PRUNE2: variants seen among roughly 807,000 people sequenced by gnomAD.
The protein encoded by PRUNE2 is protein prune homolog 2.
In PRUNE2, 164 loss-of-function variants were observed where a neutral mutation model predicts 252.0. The ratio of observed to expected loss-of-function variants is 0.65; its 90% confidence interval spans 0.57 to 0.74. The LOEUF is 0.74. Ranked by LOEUF, PRUNE2 falls within the 30% of genes least tolerant of loss-of-function variation. PRUNE2 has a pLI of 0.00. For synonymous variants in PRUNE2, 1,292 were observed against 1,350.2 expected (o/e 0.96, Z 0.94); for missense variants, 3,495 against 3,711.0 (o/e 0.94, Z 1.51).
chr9:76,614,632 G>A, intron 18 of PRUNE2, 32 bp from the exon 19 acceptor site: 3 of 1,578,790 alleles, frequency 1.9e-6, no homozygotes, highest in South Asian at 2.2e-5. Context: ...AGAGAAACAT[G>A]AGAAACCAAA....
intron 9 of PRUNE2, among the ~76,000 whole-genome samples, chr9:76,701,158 C>T (rs1035506748): frequency 6.6e-5 from 10 of 152,078 alleles, no homozygotes; most frequent in Non-Finnish European, 1.2e-4. Context: ...GAGTCGGAGC[C>T]GATAATTTGC....
rs537835320 is a variant in PRUNE2, at chr9:76,666,590, C to T, written c.8277-11088G>A. ...GGAAGGGCCCCCTGTCCAGTGGACACGTGACTCATGTGACCTTGTCAATCA... is the reference window on the plus strand; with the variant it reads ...GGAAGGGCCCCCTGTCCAGTGGACATGTGACTCATGTGACCTTGTCAATCA... On this transcript the variant is annotated intron_variant, in intron 9 of 18. Transcript: ENST00000376718. 2.6e-5 allele frequency among the ~76,000 whole-genome samples: 4 copies of T among 152,334 alleles called. No individual in the cohort carries two copies. The South Asian group carries it at 6.2e-4, about 24-fold the overall frequency.
intron 6 of PRUNE2, among the ~76,000 whole-genome samples, chr9:76,715,866 T>C (rs1370698649): frequency 6.6e-6 from 1 of 152,052 alleles, no homozygotes; most frequent in East Asian, 1.9e-4. Flanking sequence ...CTATGAACTG[T>C]AAAAAAAGAT....
chr9:76,741,385 C>T (rs1301460723), intron 6 of PRUNE2, among the ~76,000 whole-genome samples: 1 of 152,104 alleles, frequency 6.6e-6, no homozygotes, highest in Non-Finnish European at 1.5e-5. Flanking sequence ...AAACAGAATA[C>T]AGAGCCCAGA....
At chr9:76,762,284 A>G (rs2051806061) in intron 6 of PRUNE2, among the ~76,000 whole-genome samples, 1 of 152,204 alleles carries the variant, frequency 6.6e-6, no homozygotes, top group Non-Finnish European at 1.5e-5. Context: ...TTTAATGACA[A>G]TACTCTCTGT....
At chr9:76,681,737 T>C (rs1192634745) in intron 9 of PRUNE2, among the ~76,000 whole-genome samples, 1 of 152,200 alleles carries the variant, frequency 6.6e-6, no homozygotes, top group Admixed American at 6.5e-5. Context: ...CACAAGGAGC[T>C]ATATCCTATC....
Position 76,806,659 on chromosome 9 carries a change from C to G in PRUNE2, c.756+16973G>C, listed in dbSNP as rs946666237. Among the ~76,000 whole-genome samples, 5 of 150,236 alleles carry G rather than the reference C, an allele frequency of 3.3e-5. 1 individual carries two copies. The highest frequency in any genetic ancestry group is 1.2e-4 in the African/African-American group (5 of 40,806). Reference sequence around the variant, plus strand: ...AGTAGCTGGGACTACAGGTGCCCACCAACACGCCCGGCTAATTTTTTTTTT... The same window carrying G: ...AGTAGCTGGGACTACAGGTGCCCACGAACACGCCCGGCTAATTTTTTTTTT... On this transcript the variant is annotated intron_variant, in intron 6 of 18. Coordinates refer to ENST00000376718, the MANE Select transcript of PRUNE2 (RefSeq NM_015225.3).
At chr9:76,633,282 A>G (rs997313883) in intron 15 of PRUNE2, among the ~76,000 whole-genome samples, 1 of 151,760 alleles carries the variant, frequency 6.6e-6, no homozygotes, top group Non-Finnish European at 1.5e-5. Flanking sequence ...GGTTTTCATA[A>G]ATAAAGTTTC....
Position 76,752,090 on chromosome 9 carries a change from T to TTTG in PRUNE2, c.757-38370_757-38369insCAA, listed in dbSNP as rs1554746661. On this transcript the variant is annotated intron_variant, in intron 6 of 18. Coordinates refer to ENST00000376718, the MANE Select transcript of PRUNE2 (RefSeq NM_015225.3). ...CAACGACTGACTCAATTCCTGTTTTTTTTTTGGTTTTTTTTTTTTTTTTTT... is the reference window on the plus strand; with the variant it reads ...CAACGACTGACTCAATTCCTGTTTTTTTGTTTTTGGTTTTTTTTTTTTTTTTTT... Among the ~76,000 whole-genome samples the TTTG allele has an allele frequency of 9.0e-3, 739 of 82,138 alleles. 15 individuals are homozygous for TTTG. In the East Asian group the frequency reaches 0.091, roughly 10 times the overall value. 53.9% of individuals were successfully genotyped at this position (82,138 alleles called of 152,430 possible).
intron 12 of PRUNE2, chr9:76,642,001 TAAAAAA>T: frequency 5.9e-6 from 6 of 1,010,430 alleles, no homozygotes; most frequent in African/African-American, 2.0e-5. Context: ...ATAAGAGAAG[TAAAAAA>T]AAAAAAAAAA....
In PRUNE2 at chr9:76,618,437, A is replaced by C. The variant is rs192495324; in HGVS notation, c.9236+903T>G. Among the ~76,000 whole-genome samples the C allele has an allele frequency of 3.1e-3, 477 of 152,334 alleles. 1 individual carries two copies. The highest frequency in any genetic ancestry group is 0.011 in the African/African-American group (459 of 41,574). On this transcript the variant is annotated intron_variant, in intron 18 of 18. Transcript: ENST00000376718. ...ATTGCTAGGAACAAGGGCAATGTTAAATTCTCCACAACTCAAACCAAATTG... is the reference window on the plus strand; with the variant it reads ...ATTGCTAGGAACAAGGGCAATGTTACATTCTCCACAACTCAAACCAAATTG...
intron 18 of PRUNE2, among the ~76,000 whole-genome samples, 166 bp from the exon 19 acceptor site, chr9:76,614,766 C>G (rs558479263): frequency 6.6e-6 from 1 of 152,320 alleles, no homozygotes; most frequent in African/African-American, 2.4e-5. Context: ...CCCAATCCTC[C>G]TCTTGTCAGG....
chr9:76,669,280 C>A (rs2040834185), intron 9 of PRUNE2, among the ~76,000 whole-genome samples: 1 of 151,712 alleles, frequency 6.6e-6, no homozygotes, highest in Non-Finnish European at 1.5e-5. Context: ...AGTACAAGGT[C>A]ACACCACCAC....
chr9:76,903,338 A>C (rs2063290928), intron 1 of PRUNE2, among the ~76,000 whole-genome samples: 1 of 152,136 alleles, frequency 6.6e-6, no homozygotes. Context: ...AAATATATAT[A>C]ATGCCCACAG....
Position 76,614,361 on chromosome 9 carries a change from G to T in PRUNE2, c.*209C>A. ...GCTAAGGCTCAACTAAAATCTTTGA[G>T]GCACATAATTGGCAAAATAGGAAAG... On this transcript the variant is annotated 3_prime_UTR_variant, in exon 19 of 19. Coordinates refer to ENST00000376718, the MANE Select transcript of PRUNE2 (RefSeq NM_015225.3). 1.7e-6 allele frequency: 1 copy of T among 590,772 alleles called. No individual in the cohort carries two copies. Among genetic ancestry groups the T allele is most frequent in the South Asian group, 2.2e-5 (1 of 45,912 alleles). 36.6% of individuals were successfully genotyped at this position (590,772 alleles called of 1,614,324 possible). A position where few individuals can be genotyped will look rare whatever the true frequency, so the allele number is the denominator to read the frequency against.
intron 6 of PRUNE2, among the ~76,000 whole-genome samples, chr9:76,752,787 C>G (rs556004732): frequency 6.6e-6 from 1 of 152,100 alleles, no homozygotes; most frequent in African/African-American, 2.4e-5. Flanking sequence ...AGCAAGACTA[C>G]GTGCTTTAAA....
intron 1 of PRUNE2, among the ~76,000 whole-genome samples, chr9:76,857,673 A>C (rs978961625): frequency 3.3e-5 from 5 of 152,228 alleles, no homozygotes; most frequent in African/African-American, 1.2e-4. Context: ...ACGTGAGCTC[A>C]ATCTCTTCAA....
Position 76,711,120 on chromosome 9 carries a change from A to T in PRUNE2, c.1154T>A (p.Ile385Asn). ...SAPLSQGSSGIMELYGSDIEP... is the reference protein window; with the variant it reads ...SAPLSQGSSGNMELYGSDIEP... ...TATGTCAGAACCATACAATTCCATA[A>T]TCCCAGAAGACCCCTGGGAGAGGGG... is the stretch of plus-strand genomic sequence containing the variant. The change falls in exon 8 of 19, where the codon ATT becomes AAT. Residue 385 changes from isoleucine (I) to asparagine (N), a missense_variant. Transcript: ENST00000376718. 1 of 1,613,834 alleles carries T rather than the reference A, an allele frequency of 6.2e-7. No homozygotes were observed. The highest frequency in any genetic ancestry group is 1.1e-5 in the South Asian group (1 of 91,080).
chr9:76,870,610 C>A (rs1206569764), intron 1 of PRUNE2, among the ~76,000 whole-genome samples: 2 of 150,612 alleles, frequency 1.3e-5, no homozygotes, highest in African/African-American at 4.9e-5. Context: ...GGCGTGAACC[C>A]GGGAGGCGGA....
Sources: gnomAD v4.1 joint callset for allele counts (sites outside exome capture counted in the v4.1 genomes callset) on GRCh38, gnomAD v4.1.1 for gene constraint, MANE v1.5 for transcripts, NCBI Gene and HGNC (gene_info 2026-07-23, HGNC 2026-07-21) for gene names.